ZNF469: variants seen among roughly 807,000 people sequenced by gnomAD.
ZNF469 encodes zinc finger protein 469.
ZNF469 carries 1 observed loss-of-function variant against 1.0 expected under a neutral mutation model. The observed-to-expected ratio is 1.00, with a 90% confidence interval of 0.35 to 4.73. ZNF469 has a LOEUF of 4.73. Among genes scored for constraint, ZNF469 ranks in the 30% most tolerant of loss-of-function variants. The pLI is 0.16. For synonymous variants in ZNF469, 2,703 were observed against 2,363.4 expected (o/e 1.14, Z -4.17); for missense variants, 6,100 against 5,356.3 (o/e 1.14, Z -4.33).
the ZNF469 span, among the ~76,000 whole-genome samples, chr16:88,175,154 T>C: frequency 0.027 from 4,080 of 152,262 alleles, 77 homozygotes; most frequent in Middle Eastern, 0.044. Flanking sequence ...CTACTTAACA[T>C]GGACTGATTA....
At chr16:88,271,618 G>T in the ZNF469 span, among the ~76,000 whole-genome samples, 2 of 143,304 alleles carry the variant, frequency 1.4e-5, no homozygotes, top group African/African-American at 5.0e-5. Flanking sequence ...GAATCCCCAT[G>T]GAGCTCAGAG....
the ZNF469 span, among the ~76,000 whole-genome samples, chr16:88,367,282 C>T: frequency 6.6e-6 from 1 of 152,210 alleles, no homozygotes; most frequent in African/African-American, 2.4e-5. Context: ...TGGTCATAGG[C>T]AAGACTCAAT....
At chr16:88,231,587 C>G in the ZNF469 span, among the ~76,000 whole-genome samples, 1 of 152,138 alleles carries the variant, frequency 6.6e-6, no homozygotes. The surrounding 1 kb of genome is among the most constrained non-coding windows in gnomAD (Gnocchi z 4.5). Context: ...CCTTTGTGGC[C>G]TCTGAGGCCG....
chr16:88,306,754 C>T, the ZNF469 span, among the ~76,000 whole-genome samples: 1 of 152,204 alleles, frequency 6.6e-6, no homozygotes, highest in African/African-American at 2.4e-5. Context: ...GATGGACAGG[C>T]TCTGGCTTTA....
the ZNF469 span, among the ~76,000 whole-genome samples, chr16:88,354,048 C>T: frequency 4.6e-5 from 7 of 152,340 alleles, no homozygotes; most frequent in East Asian, 9.6e-4. Flanking sequence ...GGCCAGGGAC[C>T]GTGTTGCCAG....
chr16:88,301,968 A>G, the ZNF469 span, among the ~76,000 whole-genome samples: 2 of 152,226 alleles, frequency 1.3e-5, no homozygotes, highest in Non-Finnish European at 2.9e-5. Flanking sequence ...TTACATATAC[A>G]TTGTTGTGCT....
In ZNF469 at chr16:88,428,007, C is replaced by T; in HGVS notation, c.537C>T (p.Gly179=). ...TEAQPAAEEL[G]FHRCFQEPPS... ...CCCAACCCGCCGCCGAAGAGCTTGG[C>T]TTCCACAGGTGCTTCCAGGAGCCAC... Residue 179 remains glycine, a synonymous_variant, in exon 3 of 3, where the codon GGC becomes GGT. Coordinates refer to ENST00000565624, the MANE Select transcript of ZNF469 (RefSeq NM_001367624.2). 6.5e-7 allele frequency: 1 copy of T among 1,550,026 alleles called. No homozygotes were observed. The highest frequency in any genetic ancestry group is 8.7e-7 in the Non-Finnish European group (1 of 1,146,892).
chr16:88,360,570 G>A, the ZNF469 span, among the ~76,000 whole-genome samples: 27 of 105,850 alleles, frequency 2.6e-4, no homozygotes, highest in Non-Finnish European at 4.6e-4. Flanking sequence ...GACAGCGCCC[G>A]CATGCTCCCT....
chr16:88,297,573 T>C, the ZNF469 span, among the ~76,000 whole-genome samples: 1 of 152,150 alleles, frequency 6.6e-6, no homozygotes, highest in East Asian at 1.9e-4. Context: ...CCTGCATGCC[T>C]GACCTCCTGC....
At chr16:88,240,831 A>G in the ZNF469 span, among the ~76,000 whole-genome samples, 1 of 152,092 alleles carries the variant, frequency 6.6e-6, no homozygotes, top group Non-Finnish European at 1.5e-5. Context: ...TTCCCGGCCC[A>G]CTTCCCCTCC....
the ZNF469 span, among the ~76,000 whole-genome samples, chr16:88,332,029 C>T: frequency 4.6e-5 from 7 of 152,204 alleles, 1 homozygote; most frequent in Admixed American, 6.5e-5. Context: ...CCTCTGTCTC[C>T]GCATGGCCCT....
chr16:88,401,475 AT>A (rs1904852734), intron 1 of ZNF469, among the ~76,000 whole-genome samples: 1 of 151,912 alleles, frequency 6.6e-6, no homozygotes, highest in Non-Finnish European at 1.5e-5. Flanking sequence ...GGGCAGATGG[AT>A]GGATGGATGG....
chr16:88,348,531 G>A, the ZNF469 span, among the ~76,000 whole-genome samples: 1 of 152,320 alleles, frequency 6.6e-6, no homozygotes, highest in Admixed American at 6.5e-5. Context: ...CTCAGCCCCA[G>A]AACTGGGATG....
intron 1 of ZNF469, among the ~76,000 whole-genome samples, chr16:88,408,298 C>T (rs1905067152): frequency 6.6e-6 from 1 of 152,208 alleles, no homozygotes; most frequent in South Asian, 2.1e-4. Flanking sequence ...ACTACAGGCA[C>T]CCACCACCAC....
the ZNF469 span, among the ~76,000 whole-genome samples, chr16:88,193,093 A>G: frequency 3.4e-3 from 181 of 52,758 alleles, no homozygotes; most frequent in African/African-American, 3.7e-3. Context: ...GGTGGTGGTG[A>G]TGGTGTTGAT....
the ZNF469 span, among the ~76,000 whole-genome samples, chr16:88,356,668 T>A: frequency 6.6e-6 from 1 of 152,026 alleles, no homozygotes; most frequent in Non-Finnish European, 1.5e-5. Flanking sequence ...AGAGGCCAGA[T>A]ACATGAACAA....
the ZNF469 span, among the ~76,000 whole-genome samples, chr16:88,365,397 T>C: frequency 1.3e-5 from 2 of 152,202 alleles, no homozygotes; most frequent in African/African-American, 2.4e-5. Flanking sequence ...GGGATGGACA[T>C]GGGACCCACT....
chr16:88,408,744 C>G (rs1211048151), intron 1 of ZNF469, among the ~76,000 whole-genome samples: 1 of 152,236 alleles, frequency 6.6e-6, no homozygotes, highest in African/African-American at 2.4e-5. Flanking sequence ...CCGCCTGGCC[C>G]CCGTCCCTGC....
chr16:88,421,448 C>T (rs747451811), intron 1 of ZNF469, among the ~76,000 whole-genome samples: 5 of 152,174 alleles, frequency 3.3e-5, no homozygotes, highest in African/African-American at 4.8e-5. Context: ...AGAGCCTTGG[C>T]GGGGCCAGAA....
Sources: gnomAD v4.1 joint callset for allele counts (sites outside exome capture counted in the v4.1 genomes callset) on GRCh38, gnomAD v4.1.1 for gene constraint, Gnocchi (gnomAD v3.1) non-coding constraint, MANE v1.5 for transcripts, NCBI Gene and HGNC (gene_info 2026-07-23, HGNC 2026-07-21) for gene names.